RIT2: variants seen among roughly 807,000 people sequenced by gnomAD.
RIT2 encodes GTP-binding protein Rit2.
In RIT2, 24 loss-of-function variants were observed where a neutral mutation model predicts 23.7. The observed-to-expected ratio is 1.01, with a 90% CI of 0.73 to 1.43. The LOEUF (loss-of-function observed/expected upper bound fraction) is 1.43, where lower values mean the gene tolerates loss of function less well. Among genes scored for constraint, RIT2 ranks in the 40% most tolerant of loss-of-function variants. The pLI is 0.00. For missense variants in RIT2, 236 were observed against 266.9 expected, an observed-to-expected ratio of 0.88 and a Z score of 0.81; for synonymous variants, 107 against 91.1, an observed-to-expected ratio of 1.17 and a Z score of -0.99.
At chr18:42,818,426 G>A (rs946084608) in intron 4 of RIT2, among the ~76,000 whole-genome samples, 2 of 152,062 alleles carry the variant, frequency 1.3e-5, no homozygotes, top group African/African-American at 4.8e-5. Context: ...AAAGCAATTA[G>A]AACCTTAAAT....
chr18:42,910,209 A>G (rs1908730723), intron 4 of RIT2, among the ~76,000 whole-genome samples: 1 of 152,154 alleles, frequency 6.6e-6, no homozygotes, highest in Non-Finnish European at 1.5e-5. Context: ...GAAAGCGAAA[A>G]CAGAAAACAA....
At chr18:42,814,365 G>T (rs1045934013) in intron 4 of RIT2, among the ~76,000 whole-genome samples, 5 of 152,148 alleles carry the variant, frequency 3.3e-5, no homozygotes, top group Admixed American at 3.3e-4. Flanking sequence ...AACAGACTCG[G>T]TGCTATTGGT....
At chr18:42,857,005 T>G (rs946104142) in intron 4 of RIT2, among the ~76,000 whole-genome samples, 45 of 151,990 alleles carry the variant, frequency 3.0e-4, no homozygotes, top group Non-Finnish European at 5.9e-5. Flanking sequence ...ATTTTTTGTA[T>G]TTTTAGTAGA....
chr18:43,020,255 C>T (rs568617468), intron 2 of RIT2, among the ~76,000 whole-genome samples: 22 of 152,064 alleles, frequency 1.4e-4, no homozygotes, highest in Middle Eastern at 3.4e-3. Flanking sequence ...AAGGCTGAGG[C>T]AAACAGATCA....
chr18:42,781,931 G>A (rs1913819640), intron 4 of RIT2, among the ~76,000 whole-genome samples: 1 of 152,024 alleles, frequency 6.6e-6, no homozygotes, highest in African/African-American at 2.4e-5. Flanking sequence ...TTTTTGCATT[G>A]TTCTATTTCT....
chr18:43,055,281 C>T (rs1296127473), intron 1 of RIT2, among the ~76,000 whole-genome samples: 1 of 152,120 alleles, frequency 6.6e-6, no homozygotes, highest in African/African-American at 2.4e-5. Flanking sequence ...TCTCTCAGCG[C>T]TCCCCATGGG....
intron 3 of RIT2, among the ~76,000 whole-genome samples, chr18:42,973,402 T>A (rs1336348308): frequency 6.6e-6 from 1 of 151,906 alleles, no homozygotes; most frequent in African/African-American, 2.4e-5. Context: ...ACTTAATATA[T>A]GAGTTTATAT....
At chr18:42,962,984 G>T (rs918390103) in intron 3 of RIT2, among the ~76,000 whole-genome samples, 9 of 152,134 alleles carry the variant, frequency 5.9e-5, no homozygotes, top group Non-Finnish European at 8.8e-5. Context: ...TTTGGTCACA[G>T]TGTGTCTCCA....
intron 1 of RIT2, among the ~76,000 whole-genome samples, chr18:43,106,291 AAC>A (rs948292416): frequency 2.0e-5 from 3 of 152,212 alleles, no homozygotes; most frequent in South Asian, 2.1e-4. Flanking sequence ...TATGAACACA[AAC>A]ACACACTTTA....
At chr18:43,027,970 T>A (rs533900018) in intron 2 of RIT2, among the ~76,000 whole-genome samples, 1 of 152,232 alleles carries the variant, frequency 6.6e-6, no homozygotes, top group Admixed American at 6.5e-5. Context: ...AATGTTTTGA[T>A]CATTCCTAAT....
At chr18:42,804,388 T>C (rs1905620063) in intron 4 of RIT2, among the ~76,000 whole-genome samples, 1 of 151,614 alleles carries the variant, frequency 6.6e-6, no homozygotes. Context: ...ACCCCGTCTC[T>C]ACTAAAAATA....
chr18:43,023,055 T>A (rs778177791), intron 2 of RIT2, among the ~76,000 whole-genome samples: 51 of 152,196 alleles, frequency 3.4e-4, no homozygotes, highest in Middle Eastern at 3.4e-3. Context: ...GCATTCTTAG[T>A]ATGACGTCAT....
intron 4 of RIT2, among the ~76,000 whole-genome samples, chr18:42,750,183 A>G (rs1048132752): frequency 2.0e-5 from 3 of 151,774 alleles, no homozygotes; most frequent in African/African-American, 7.2e-5. Context: ...TATAATTCCC[A>G]TTTACCCCAC....
chr18:43,093,295 C>T (rs912360679), intron 1 of RIT2, among the ~76,000 whole-genome samples: 2 of 151,944 alleles, frequency 1.3e-5, no homozygotes, highest in Admixed American at 1.3e-4. Flanking sequence ...TTCCCTGAGT[C>T]TATTGGAGTG....
At chr18:42,854,868 C>G (rs975612317) in intron 4 of RIT2, among the ~76,000 whole-genome samples, 1 of 152,086 alleles carries the variant, frequency 6.6e-6, no homozygotes, top group African/African-American at 2.4e-5. Flanking sequence ...CCTGCAGGAC[C>G]CAACTTAAAA....
At chr18:42,974,985 T>A (rs1209512704) in intron 2 of RIT2, among the ~76,000 whole-genome samples, 2 of 152,094 alleles carry the variant, frequency 1.3e-5, no homozygotes, top group Non-Finnish European at 2.9e-5. Context: ...TCTGCAGAGT[T>A]AATGCTGAGT....
chr18:43,094,133 T>TG (rs1913493240), intron 1 of RIT2, among the ~76,000 whole-genome samples: 1 of 133,380 alleles, frequency 7.5e-6, no homozygotes, highest in East Asian at 2.3e-4. Context: ...GTTTTTTTTT[T>TG]TTTTTTTCAC....
At position 43,068,721 on chromosome 18, in the gene RIT2, A is replaced by G. The variant is rs1912831499; in HGVS notation, c.104-34854T>C. Among the ~76,000 whole-genome samples, 3 of 152,174 alleles carry G rather than the reference A, an allele frequency of 2.0e-5. No individual in the cohort carries two copies. In the South Asian group the frequency reaches 6.2e-4, roughly 31 times the overall value. On this transcript the variant is annotated intron_variant, in intron 1 of 4. Transcript: ENST00000326695. ...TAGATTTTGGAATTTAAATGATATT[A>G]CAATTGGTAAGGTAGTAATTGATTG...
chr18:42,990,381 G>A lies in RIT2; in HGVS notation c.161-16234C>T, dbSNP rs1317469126. ...ACTGTCATCCTGAAATACTCTCACA[G>A]ACACATCCAGGATAACGGCTGACCA... On this transcript the variant is annotated intron_variant, in intron 2 of 4. Coordinates refer to ENST00000326695, the MANE Select transcript of RIT2 (RefSeq NM_002930.4). Among the ~76,000 whole-genome samples, 3 of 152,108 alleles carry A rather than the reference G, an allele frequency of 2.0e-5. No homozygotes were observed. In the East Asian group the frequency reaches 5.8e-4, roughly 29 times the overall value.
Sources: gnomAD v4.1 joint callset for allele counts (sites outside exome capture counted in the v4.1 genomes callset) on GRCh38, gnomAD v4.1.1 for gene constraint, MANE v1.5 for transcripts, NCBI Gene and HGNC (gene_info 2026-07-23, HGNC 2026-07-21) for gene names.